Variants in CMTR1 observed in about 807,000 individuals in gnomAD.
CMTR1 encodes cap-specific mRNA (nucleoside-2'-O-)-methyltransferase 1.
In CMTR1, 39 loss-of-function variants were observed where a neutral mutation model predicts 107.0. That is an observed-to-expected ratio of 0.36 (90% CI 0.28 to 0.48). The LOEUF is 0.48. Ranked by LOEUF, CMTR1 falls within the 20% of genes least tolerant of loss-of-function variation. The pLI, the probability that CMTR1 is intolerant of heterozygous loss-of-function variation, is 0.99. For synonymous variants in CMTR1, 366 were observed against 379.5 expected (o/e 0.96, Z 0.41); for missense variants, 672 against 1,064.9 (o/e 0.63, Z 5.14).
chr6:37,435,280 A>G (rs532229990), intron 1 of CMTR1, among the ~76,000 whole-genome samples: 21 of 152,182 alleles, frequency 1.4e-4, no homozygotes, highest in Non-Finnish European at 2.5e-4. Flanking sequence ...TGCATGGCCA[A>G]TATTGCATCA....
At chr6:37,434,259 T>A (rs1196845808) in intron 1 of CMTR1, among the ~76,000 whole-genome samples, 3 of 152,208 alleles carry the variant, frequency 2.0e-5, no homozygotes, top group Non-Finnish European at 2.9e-5. Context: ...TGCATTGGGT[T>A]GATTGGCTCT....
rs897733549 is a variant in CMTR1, at chr6:37,435,650, A to G, written c.21A>G (p.Pro7=). The part of the protein sequence containing the change: MKRRTD[P]ECTAPIKKQK... ...TAACGATGAAGAGGAGAACTGACCC[A>G]GAATGCACTGCCCCCATCAAGAAAC... Residue 7 remains proline, a synonymous_variant, in exon 2 of 24, where the codon CCA becomes CCG. Transcript: ENST00000373451. The G allele has an allele frequency of 2.2e-5, 36 of 1,601,550 alleles. 1 individual carries two copies. The highest frequency in any genetic ancestry group is 1.4e-5 in the Non-Finnish European group (17 of 1,175,134).
chr6:37,452,837 C>T (rs1405452284), intron 6 of CMTR1, among the ~76,000 whole-genome samples: 1 of 152,012 alleles, frequency 6.6e-6, no homozygotes, highest in African/African-American at 2.4e-5. Context: ...TGCCAGGCAC[C>T]TGTTTACATT....
chr6:37,444,288 G>A, intron 3 of CMTR1, 138 bp downstream of exon 3: 1 of 1,023,146 alleles, frequency 9.8e-7, no homozygotes, highest in Non-Finnish European at 1.4e-6. Context: ...TTAGCAGAGT[G>A]TGACCCACTT....
At chr6:37,470,026 C>A (rs1448971888) in intron 13 of CMTR1, among the ~76,000 whole-genome samples, 1 of 151,958 alleles carries the variant, frequency 6.6e-6, no homozygotes, top group Non-Finnish European at 1.5e-5. Flanking sequence ...TTCAGTCTGC[C>A]AATCCCAGCA....
At position 37,474,551 on chromosome 6, in the gene CMTR1, C is replaced by T. The variant is rs370269634; in HGVS notation, c.1849C>T (p.Arg617Cys). 1.7e-5 allele frequency: 28 copies of T among 1,613,870 alleles called. No individual in the cohort carries two copies. The highest frequency in any genetic ancestry group is 3.3e-5 in the Admixed American group (2 of 59,986). Residue 617 changes from arginine (R) to cysteine (C), a missense_variant, in exon 18 of 24, where the codon CGC becomes TGC. Arg to Cys is a radical substitution (Grantham distance 180, BLOSUM62 -3). Coordinates refer to ENST00000373451, the MANE Select transcript of CMTR1 (RefSeq NM_015050.3). ...GKSQIYTWDG[R>C]QSDRWIKLDL... ...ATCCCAGATCTACACATGGGATGGC[C>T]GCCAGTCAGACCGCTGGATCAAGCT...
In CMTR1 at chr6:37,436,564, T is replaced by C. The variant is rs144787397; in HGVS notation, c.133+802T>C. On this transcript the variant is annotated intron_variant, in intron 2 of 23. Transcript: ENST00000373451. ...TCCCTCAAAGGCTCTTGGGAAGACC[T>C]TCCTTACCACTTCTAGCTTCTGCTG... Among the ~76,000 whole-genome samples, 281 of 152,296 alleles carry C rather than the reference T, an allele frequency of 1.8e-3. 1 individual carries two copies. Among genetic ancestry groups the C allele is most frequent in the Non-Finnish European group, 3.2e-3 (216 of 68,014 alleles).
chr6:37,440,630 A>G (rs1581728307), intron 2 of CMTR1, among the ~76,000 whole-genome samples: 1 of 152,230 alleles, frequency 6.6e-6, no homozygotes, highest in Non-Finnish European at 1.5e-5. Context: ...TACATTAGGT[A>G]ACACCTTGGG....
intron 13 of CMTR1, among the ~76,000 whole-genome samples, chr6:37,464,738 G>A (rs1761471059): frequency 6.6e-6 from 1 of 151,962 alleles, no homozygotes; most frequent in Non-Finnish European, 1.5e-5. Flanking sequence ...TCCAGTTTGG[G>A]GCTGTTACGA....
chr6:37,447,774 C>T (rs555276845), intron 4 of CMTR1, among the ~76,000 whole-genome samples: 1 of 151,860 alleles, frequency 6.6e-6, no homozygotes, highest in African/African-American at 2.4e-5. Context: ...GCAGGAGAAT[C>T]ACTTGAACCT....
chr6:37,462,965 G>C lies in CMTR1; in HGVS notation c.1462G>C (p.Gly488Arg). 6.2e-7 allele frequency: 1 copy of C among 1,614,174 alleles called. No homozygotes were observed. Among genetic ancestry groups the C allele is most frequent in the African/African-American group, 1.3e-5 (1 of 75,024 alleles). The stretch of plus-strand genomic sequence containing the variant: ...GGTGGTCCCCCTGGAGGTGATCAAG[G>C]GAGACCATGAATTTACTGACTACAT... ...NLVVPLEVIK[G>R]DHEFTDYMIR... The change falls in exon 13 of 24, where the codon GGA becomes CGA. Residue 488 changes from glycine to arginine, a missense_variant. Physicochemically the swap from Gly to Arg is moderately radical, Grantham distance 125 (BLOSUM62 -2). Around this residue, in one of 2 missense-constraint regions of CMTR1, gnomAD observed 583 missense variants for 968.4 expected, o/e 0.60. Coordinates refer to ENST00000373451, the MANE Select transcript of CMTR1 (RefSeq NM_015050.3).
At chr6:37,475,041 G>C (rs1008526989) in intron 18 of CMTR1, among the ~76,000 whole-genome samples, 1 of 152,194 alleles carries the variant, frequency 6.6e-6, no homozygotes, top group Admixed American at 6.5e-5. Context: ...TGGCAAGGGG[G>C]GTAAGCCAGA....
chr6:37,439,097 G>T (rs1562115975), intron 2 of CMTR1, among the ~76,000 whole-genome samples: 1 of 152,106 alleles, frequency 6.6e-6, no homozygotes, highest in African/African-American at 2.4e-5. Flanking sequence ...TAATCAGTGT[G>T]TTTATTTTAC....
intron 13 of CMTR1, among the ~76,000 whole-genome samples, chr6:37,463,489 T>C (rs1485551365): frequency 6.6e-6 from 1 of 152,194 alleles, no homozygotes; most frequent in Non-Finnish European, 1.5e-5. Flanking sequence ...CTGTTTTCTG[T>C]ATCTTCTTTG....
chr6:37,479,396 T>C (rs1309384211), intron 23 of CMTR1, 141 bp downstream of exon 23: 2 of 660,818 alleles, frequency 3.0e-6, no homozygotes, highest in East Asian at 2.7e-5. Flanking sequence ...GGCCTGAGAA[T>C]ACTTGTGGGG....
At chr6:37,438,574 CTT>C (rs1377444611) in intron 2 of CMTR1, among the ~76,000 whole-genome samples, 2 of 152,182 alleles carry the variant, frequency 1.3e-5, no homozygotes, top group East Asian at 1.9e-4. Flanking sequence ...AGGGCAGTAT[CTT>C]TATCAGCAAG....
chr6:37,477,739 GGGT>G, intron 21 of CMTR1, 100 bp downstream of exon 21: 2 of 426,290 alleles, frequency 4.7e-6, no homozygotes, highest in Non-Finnish European at 9.4e-6. Flanking sequence ...CGGGGGCGGG[GGGT>G]GGTGAGCTGC....
intron 10 of CMTR1, among the ~76,000 whole-genome samples, chr6:37,459,994 A>T (rs142595227): frequency 3.7e-4 from 56 of 152,320 alleles, no homozygotes; most frequent in Non-Finnish European, 6.8e-4. Flanking sequence ...ACGGCAGCAC[A>T]GAGGAATCCA....
At chr6:37,452,308 G>A (rs1304114852) in intron 6 of CMTR1, among the ~76,000 whole-genome samples, 1 of 152,176 alleles carries the variant, frequency 6.6e-6, no homozygotes, top group Non-Finnish European at 1.5e-5. Flanking sequence ...TCTTTTCTCA[G>A]GGTTGTTGTG....
Sources: allele counts gnomAD v4.1 joint callset (sites outside exome capture counted in the v4.1 genomes callset), GRCh38; gene constraint gnomAD v4.1.1; regional missense constraint gnomAD v4.1.1; transcripts MANE v1.5; gene names NCBI Gene and HGNC (gene_info 2026-07-23, HGNC 2026-07-21).